Variants in KSR2 observed in about 807,000 individuals in gnomAD.
KSR2 encodes kinase suppressor of ras 2.
In KSR2, 25 loss-of-function variants were observed where a neutral mutation model predicts 107.8. The ratio of observed to expected loss-of-function variants is 0.23; its 90% CI spans 0.17 to 0.32. The LOEUF is 0.32. Ranked by LOEUF, KSR2 falls within the 10% of genes least tolerant of loss-of-function variation. The pLI is 1.00. For missense variants in KSR2, 887 were observed against 1,268.9 expected (o/e 0.70, Z 4.57); for synonymous variants, 480 against 507.0 (o/e 0.95, Z 0.71).
At chr12:117,933,148 T>C (rs1001875999) in intron 1 of KSR2, among the ~76,000 whole-genome samples, 6 of 152,218 alleles carry the variant, frequency 3.9e-5, no homozygotes, top group Non-Finnish European at 7.3e-5. Context: ...TGGTCGGTGA[T>C]AACACATTCC....
At chr12:117,586,669 A>T (rs1259790572) in intron 5 of KSR2, among the ~76,000 whole-genome samples, 1 of 108,284 alleles carries the variant, frequency 9.2e-6, no homozygotes, top group Non-Finnish European at 1.9e-5. Flanking sequence ...AAAATATAGT[A>T]AATCTGCTGT....
At chr12:117,649,177 A>T (rs1883782054) in intron 5 of KSR2, among the ~76,000 whole-genome samples, 1 of 152,202 alleles carries the variant, frequency 6.6e-6, no homozygotes, top group African/African-American at 2.4e-5. Flanking sequence ...GCCAGGGGTA[A>T]CAGCCCTGGA....
chr12:117,852,070 T>TG lies in KSR2; in HGVS notation c.472+3357dup, dbSNP rs371607896. 2.5e-3 allele frequency among the ~76,000 whole-genome samples: 376 copies of TG among 151,430 alleles called. 2 individuals carry two copies. The highest frequency in any genetic ancestry group is 6.8e-3 in the Middle Eastern group (2 of 294). On this transcript the variant is annotated intron_variant, in intron 3 of 19. Coordinates refer to ENST00000339824, the MANE Select transcript of KSR2 (RefSeq NM_173598.6). ...GTGCATGTATGTGTACCTATGTGTG[T>TG]GGGGGGGGTCACAATATAAATTGTA... is the stretch of plus-strand genomic sequence containing the variant.
At chr12:117,925,501 GAGA>G (rs1331871379) in intron 1 of KSR2, among the ~76,000 whole-genome samples, 7 of 152,096 alleles carry the variant, frequency 4.6e-5, no homozygotes, top group African/African-American at 1.2e-4. Context: ...CTCTTTAAAG[GAGA>G]AGATCATTAA....
chr12:117,932,688 C>G (rs1895726842), intron 1 of KSR2, among the ~76,000 whole-genome samples: 1 of 152,310 alleles, frequency 6.6e-6, no homozygotes, highest in African/African-American at 2.4e-5. Context: ...CGTCACTGCA[C>G]TCCAGCCTGG....
Position 117,968,619 on chromosome 12 carries a change from G to A in KSR2, c.-364C>T, listed in dbSNP as rs1266946974. On this transcript the variant is annotated 5_prime_UTR_variant, in exon 1 of 20. Coordinates refer to ENST00000339824, the MANE Select transcript of KSR2 (RefSeq NM_173598.6). ...AGGAAAAAGAAGAGGAGAAGGAGGA[G>A]AGAGAGGAGGAGGGAGAGGAGGAGG... 19 of 341,704 alleles carry A rather than the reference G, an allele frequency of 5.6e-5. No individual in the cohort carries two copies. Among genetic ancestry groups the A allele is most frequent in the Non-Finnish European group, 8.1e-5 (18 of 221,108 alleles). The allele number at this position is 341,704 out of a possible 1,614,324, so 21.2% of individuals were successfully genotyped here.
intron 14 of KSR2, among the ~76,000 whole-genome samples, chr12:117,490,444 T>C (rs1224485996): frequency 6.6e-6 from 1 of 152,240 alleles, no homozygotes; most frequent in Non-Finnish European, 1.5e-5. Context: ...GTATTCTTGC[T>C]GTATCTCGTT....
chr12:117,738,004 G>A (rs1420677304), intron 4 of KSR2, among the ~76,000 whole-genome samples: 1 of 152,050 alleles, frequency 6.6e-6, no homozygotes, highest in Non-Finnish European at 1.5e-5. Context: ...CTCAAGAATT[G>A]CTCCACAGGG....
chr12:117,697,097 C>T (rs1042179361), intron 4 of KSR2, among the ~76,000 whole-genome samples: 1 of 152,168 alleles, frequency 6.6e-6, no homozygotes, highest in African/African-American at 2.4e-5. Context: ...TTGAAAAGCA[C>T]CCAGCACAGA....
At chr12:117,818,392 G>A (rs1891450996) in intron 3 of KSR2, among the ~76,000 whole-genome samples, 1 of 152,114 alleles carries the variant, frequency 6.6e-6, no homozygotes, top group Non-Finnish European at 1.5e-5. Context: ...AGGGCACATG[G>A]CTTAACCTCT....
At chr12:117,700,048 C>CTTT (rs370253048) in intron 4 of KSR2, among the ~76,000 whole-genome samples, 1 of 143,692 alleles carries the variant, frequency 7.0e-6, no homozygotes, top group South Asian at 2.1e-4. Flanking sequence ...AATTTTGGTA[C>CTTT]TTTTTTTTTT....
At chr12:117,639,607 G>C (rs1883264089) in intron 5 of KSR2, among the ~76,000 whole-genome samples, 1 of 145,772 alleles carries the variant, frequency 6.9e-6, no homozygotes, top group African/African-American at 2.5e-5. Flanking sequence ...TGGGATTACA[G>C]GCATGAGCCA....
chr12:117,659,074 G>A (rs1339789873), intron 5 of KSR2, among the ~76,000 whole-genome samples: 3 of 152,160 alleles, frequency 2.0e-5, no homozygotes, highest in African/African-American at 7.2e-5. Flanking sequence ...TGATGCTCAA[G>A]AGAGGGGTTA....
intron 1 of KSR2, among the ~76,000 whole-genome samples, chr12:117,914,740 T>C (rs930232650): frequency 6.6e-6 from 1 of 152,180 alleles, no homozygotes; most frequent in Admixed American, 6.5e-5. Flanking sequence ...CTTACTATGT[T>C]GCCCAGGCTG....
At chr12:117,699,297 T>C (rs1212440558) in intron 4 of KSR2, among the ~76,000 whole-genome samples, 2 of 152,250 alleles carry the variant, frequency 1.3e-5, no homozygotes, top group African/African-American at 4.8e-5. Flanking sequence ...GTTACCCTTT[T>C]ACTGAGTATT....
rs1886354563 is a variant in KSR2, at chr12:117,702,165, C to CAGCA, written c.987-34511_987-34508dup. Among the ~76,000 whole-genome samples, 3 of 152,214 alleles carry CAGCA rather than the reference C, an allele frequency of 2.0e-5. No individual in the cohort carries two copies. The South Asian group carries it at 6.2e-4, about 32-fold the overall frequency. Reference sequence around the variant, plus strand: ...CCAGTAGTTTCTTCCACACTTCAGACAGCAGTTCTATCCTCCTTCCCCTCA... The same window carrying CAGCA: ...CCAGTAGTTTCTTCCACACTTCAGACAGCAAGCAGTTCTATCCTCCTTCCCCTCA... On this transcript the variant is annotated intron_variant, in intron 4 of 19. Coordinates refer to ENST00000339824, the MANE Select transcript of KSR2 (RefSeq NM_173598.6).
chr12:117,567,063 A>G (rs1878542125), intron 7 of KSR2, among the ~76,000 whole-genome samples: 1 of 152,236 alleles, frequency 6.6e-6, no homozygotes, highest in Non-Finnish European at 1.5e-5. Flanking sequence ...TAAACAGTGA[A>G]CCGTCCAGAA....
intron 3 of KSR2, among the ~76,000 whole-genome samples, chr12:117,771,467 C>A (rs1251643806): frequency 6.6e-6 from 1 of 152,188 alleles, no homozygotes; most frequent in African/African-American, 2.4e-5. Flanking sequence ...GTCATCAGGA[C>A]CTCCTGAGGC....
intron 16 of KSR2, among the ~76,000 whole-genome samples, chr12:117,483,381 AT>A (rs1272207709): frequency 6.6e-6 from 1 of 151,972 alleles, no homozygotes; most frequent in African/African-American, 2.4e-5. Flanking sequence ...AAATAAAAAA[AT>A]AAATAAATAA....
Sources: allele counts gnomAD v4.1 joint callset (sites outside exome capture counted in the v4.1 genomes callset), GRCh38; gene constraint gnomAD v4.1.1; transcripts MANE v1.5; gene names NCBI Gene and HGNC (gene_info 2026-07-23, HGNC 2026-07-21).